The following PCDHA7 variants were observed in gnomAD, a reference collection of about 807,000 sequenced individuals.
PCDHA7 encodes the protein protocadherin alpha-7.
Under a neutral mutation model 57.2 loss-of-function variants are expected in PCDHA7, and 37 were observed. The ratio of observed to expected loss-of-function variants is 0.65; its 90% CI spans 0.50 to 0.85. The LOEUF is 0.85. PCDHA7 is among the 40% of genes least tolerant of loss of function. The pLI, the probability that PCDHA7 is intolerant of heterozygous loss-of-function variation, is 0.00. For synonymous variants in PCDHA7, 553 were observed against 558.8 expected (o/e 0.99, Z 0.15); for missense variants, 1,188 against 1,241.8 (o/e 0.96, Z 0.65).
chr5:140,890,739 C>T (rs1202760840), intron 1 of PCDHA7, among the ~76,000 whole-genome samples: 1 of 152,112 alleles, frequency 6.6e-6, no homozygotes, highest in Non-Finnish European at 1.5e-5. Flanking sequence ...GACTTATATA[C>T]TATTTCTGTC....
In PCDHA7 at chr5:140,834,582, G is replaced by A; in HGVS notation, c.199G>A (p.Val67Met). Residue 67 changes from valine (V) to methionine (M), a missense_variant, in exon 1 of 4, where the codon GTG becomes ATG. Coordinates refer to ENST00000525929, the MANE Select transcript of PCDHA7 (RefSeq NM_018910.3). ...AELVPRLFRAVCKFRGDLLEV... is the reference protein window; with the variant it reads ...AELVPRLFRAMCKFRGDLLEV... Reference sequence around the variant, plus strand: ...GCTGGTGCCGCGCCTGTTCCGGGCGGTGTGCAAATTCCGTGGGGATCTTCT... The same window carrying A: ...GCTGGTGCCGCGCCTGTTCCGGGCGATGTGCAAATTCCGTGGGGATCTTCT... 6.2e-7 allele frequency: 1 copy of A among 1,614,134 alleles called. No homozygotes were observed. Among genetic ancestry groups the A allele is most frequent in the Non-Finnish European group, 8.5e-7 (1 of 1,180,006 alleles).
intron 1 of PCDHA7, among the ~76,000 whole-genome samples, chr5:140,944,212 G>A (rs2093625655): frequency 6.6e-6 from 1 of 152,158 alleles, no homozygotes; most frequent in Non-Finnish European, 1.5e-5. Flanking sequence ...TTTTTAAAGA[G>A]GGTTTTACTC....
At chr5:140,926,964 C>T (rs149218057) in intron 1 of PCDHA7, 1 of 1,606,346 alleles carries the variant, frequency 6.2e-7, no homozygotes, top group Non-Finnish European at 8.5e-7. Flanking sequence ...AGCTCGAGTA[C>T]TCAGTGCCGG....
chr5:140,848,447 C>G, intron 1 of PCDHA7: 1 of 1,507,352 alleles, frequency 6.6e-7, no homozygotes, highest in East Asian at 2.3e-5. Flanking sequence ...ATGATTTCTT[C>G]TAATTTGGAG....
chr5:140,913,824 TC>T, intron 1 of PCDHA7, among the ~76,000 whole-genome samples: 1 of 152,216 alleles, frequency 6.6e-6, no homozygotes, highest in Middle Eastern at 3.2e-3. Context: ...CTTTTAAATT[TC>T]TTTATTGACC....
chr5:140,870,132 C>G (rs371110623), intron 1 of PCDHA7: 2 of 1,613,970 alleles, frequency 1.2e-6, no homozygotes, highest in East Asian at 2.2e-5. Flanking sequence ...TGGACACCAA[C>G]GATAACTCTC....
chr5:140,943,094 TA>T lies in PCDHA7; in HGVS notation c.2356-35849del, dbSNP rs546939375. Among the ~76,000 whole-genome samples, 19 of 151,404 alleles carry T rather than the reference TA, an allele frequency of 1.3e-4. No individual in the cohort carries two copies. In the East Asian group the frequency reaches 3.7e-3, roughly 29 times the overall value. On this transcript the variant is annotated intron_variant, in intron 1 of 3. Coordinates refer to ENST00000525929, the MANE Select transcript of PCDHA7 (RefSeq NM_018910.3). ...CAACATGGTGAAATCCTGCCTCTAC[TA>T]AAAAATACAAAAATTAGCCAGGTGT... is the stretch of plus-strand genomic sequence containing the variant.
chr5:140,855,412 A>T (rs2043457321), intron 1 of PCDHA7, among the ~76,000 whole-genome samples: 1 of 149,990 alleles, frequency 6.7e-6, no homozygotes, highest in South Asian at 2.1e-4. Context: ...GAAGCTAATG[A>T]TCTCTAAATT....
intron 1 of PCDHA7, among the ~76,000 whole-genome samples, chr5:140,908,279 G>T (rs2073895272): frequency 6.6e-6 from 1 of 151,782 alleles, no homozygotes; most frequent in South Asian, 2.1e-4. Flanking sequence ...TGAGGCCATT[G>T]TTGCAAGCTG....
At chr5:140,966,836 C>T in intron 1 of PCDHA7, 1 of 1,565,250 alleles carries the variant, frequency 6.4e-7, no homozygotes, top group Non-Finnish European at 8.6e-7. Context: ...GCCCTGGCTG[C>T]TGCTACTGCC....
chr5:140,996,691 C>A (rs150925396), intron 3 of PCDHA7, among the ~76,000 whole-genome samples: 217 of 152,274 alleles, frequency 1.4e-3, no homozygotes, highest in African/African-American at 5.0e-3. Context: ...TAGTATTCTT[C>A]TGAACCTCTA....
intron 1 of PCDHA7, among the ~76,000 whole-genome samples, chr5:140,909,331 G>T (rs1162078506): frequency 6.6e-6 from 1 of 152,226 alleles, no homozygotes; most frequent in Admixed American, 6.5e-5. Context: ...ATCAATGGTT[G>T]CATACCAGGT....
At chr5:140,914,817 C>T (rs2076857750) in intron 1 of PCDHA7, among the ~76,000 whole-genome samples, 1 of 152,040 alleles carries the variant, frequency 6.6e-6, no homozygotes, top group African/African-American at 2.4e-5. Flanking sequence ...ACTTAACAGA[C>T]TGCATAAACA....
At chr5:140,867,409 T>C (rs1299874634) in intron 1 of PCDHA7, 1 of 152,170 alleles carries the variant, frequency 6.6e-6, no homozygotes, top group Admixed American at 6.5e-5. Context: ...ATGTCTCCTT[T>C]AATTTTTTAA....
chr5:140,967,079 A>G (rs2096093467), intron 1 of PCDHA7: 10 of 1,613,252 alleles, frequency 6.2e-6, no homozygotes, highest in Non-Finnish European at 8.5e-6. Flanking sequence ...CAACGAGCGC[A>G]TTGATCGGGA....
chr5:140,843,123 C>T lies in PCDHA7; in HGVS notation c.2355+6385C>T, dbSNP rs2150353254. ...AAGGTGCGCGCAGTGGACGCCGACT[C>T]GGGCTACAACGCGTGGCTTTCGTAT... On this transcript the variant is annotated intron_variant, in intron 1 of 3. Transcript: ENST00000525929. 18 of 1,595,788 alleles carry T rather than the reference C, an allele frequency of 1.1e-5. No homozygotes were observed. The East Asian group carries it at 3.6e-4, about 32-fold the overall frequency.
chr5:140,994,954 T>C (rs2097657181), intron 3 of PCDHA7, among the ~76,000 whole-genome samples: 1 of 152,230 alleles, frequency 6.6e-6, no homozygotes, highest in Non-Finnish European at 1.5e-5. Flanking sequence ...AAATAATTTG[T>C]AGTTTCATTT....
At chr5:140,964,959 T>C (rs1330728069) in intron 1 of PCDHA7, among the ~76,000 whole-genome samples, 2 of 152,168 alleles carry the variant, frequency 1.3e-5, no homozygotes, top group African/African-American at 4.8e-5. Context: ...GCTTGGTTGG[T>C]GGAACGAAGG....
Position 140,848,595 on chromosome 5 carries a change from T to C in PCDHA7, c.2355+11857T>C, listed in dbSNP as rs2150413668. The C allele has an allele frequency of 1.4e-5, 23 of 1,594,356 alleles. 3 individuals are homozygous for C. The highest frequency in any genetic ancestry group is 1.8e-5 in the Non-Finnish European group (21 of 1,164,532). Reference sequence around the variant, plus strand: ...GGTGGGGAGCGGCCAGCTCCACTACTCCGTCCCGGAGGAAGCCGAACACGG... The same window carrying C: ...GGTGGGGAGCGGCCAGCTCCACTACCCCGTCCCGGAGGAAGCCGAACACGG... On this transcript the variant is annotated intron_variant, in intron 1 of 3. Coordinates refer to ENST00000525929, the MANE Select transcript of PCDHA7 (RefSeq NM_018910.3).
Sources: gnomAD v4.1 joint callset for allele counts (sites outside exome capture counted in the v4.1 genomes callset) on GRCh38, gnomAD v4.1.1 for gene constraint, MANE v1.5 for transcripts, NCBI Gene and HGNC (gene_info 2026-07-23, HGNC 2026-07-21) for gene names.